DDR2: variants seen among roughly 807,000 people sequenced by gnomAD.
DDR2 encodes discoidin domain receptor tyrosine kinase 2, also known as discoidin domain-containing receptor 2.
A neutral mutation model predicts 94.9 loss-of-function variants in DDR2; 27 were observed. The observed-to-expected ratio is 0.28, with a 90% CI of 0.21 to 0.39. DDR2 has a LOEUF of 0.39. DDR2 is among the 10% of genes least tolerant of loss of function. DDR2 has a pLI of 1.00. For missense variants in DDR2, 783 were observed against 1,076.0 expected (o/e 0.73, Z 3.81); for synonymous variants, 382 against 377.2 (o/e 1.01, Z -0.15).
chr1:162,730,040 C>CT (rs543854413), intron 3 of DDR2, among the ~76,000 whole-genome samples: 1,880 of 52,826 alleles, frequency 0.036, 24 homozygotes, highest in African/African-American at 0.06. Flanking sequence ...CCATGCCTGG[C>CT]TTTTTTTTTT....
At chr1:162,728,660 A>G (rs1436254180) in intron 3 of DDR2, among the ~76,000 whole-genome samples, 1 of 152,170 alleles carries the variant, frequency 6.6e-6, no homozygotes, top group African/African-American at 2.4e-5. Context: ...TCCTGGGACA[A>G]GCACATTCTA....
chr1:162,767,119 T>A (rs1664033589), intron 10 of DDR2, 110 bp from the exon 11 acceptor site: 1 of 1,525,532 alleles, frequency 6.6e-7, no homozygotes, highest in Non-Finnish European at 9.0e-7. Flanking sequence ...GCATCTTCCA[T>A]AATTATCCTC....
At chr1:162,677,739 G>A (rs1219045166) in intron 2 of DDR2, among the ~76,000 whole-genome samples, 1 of 152,170 alleles carries the variant, frequency 6.6e-6, no homozygotes, top group African/African-American at 2.4e-5. Flanking sequence ...ATGTGGAGGA[G>A]GTGTTTATGA....
intron 1 of DDR2, among the ~76,000 whole-genome samples, chr1:162,636,918 C>T (rs1434174950): frequency 6.6e-6 from 1 of 151,990 alleles, no homozygotes; most frequent in African/African-American, 2.4e-5. Flanking sequence ...TGAAACAATA[C>T]AAATCTCAGT....
chr1:162,720,267 C>G (rs933917449), intron 3 of DDR2, among the ~76,000 whole-genome samples: 1 of 151,792 alleles, frequency 6.6e-6, no homozygotes. Flanking sequence ...AGAAACAGAA[C>G]TATACCAGCA....
intron 6 of DDR2, 120 bp from the exon 7 acceptor site, chr1:162,755,544 G>A (rs576163789): frequency 1.2e-5 from 13 of 1,096,068 alleles, no homozygotes; most frequent in African/African-American, 4.6e-5. Context: ...GTCTTCCCTC[G>A]GTGTCCAGAT....
Position 162,772,073 on chromosome 1 carries a change from G to T in DDR2, c.1554G>T (p.Val518=). 6.2e-7 allele frequency: 1 copy of T among 1,613,612 alleles called. No individual in the cohort carries two copies. Among genetic ancestry groups the T allele is most frequent in the Non-Finnish European group, 8.5e-7 (1 of 1,179,876 alleles). The change falls in exon 13 of 18, where the codon GTG becomes GTT. Residue 518 remains valine, a synonymous_variant. Transcript: ENST00000367921. ...TCCAGCCCAGTGGCCCTGAGGGGGTGCCCCACTATGCAGAGGCTGACATAG... is the reference window on the plus strand; with the variant it reads ...TCCAGCCCAGTGGCCCTGAGGGGGTTCCCCACTATGCAGAGGCTGACATAG... ...KPVQPSGPEG[V]PHYAEADIVN... is the part of the protein sequence containing the mutation.
At chr1:162,703,196 A>G (rs1362632024) in intron 2 of DDR2, among the ~76,000 whole-genome samples, 1 of 152,218 alleles carries the variant, frequency 6.6e-6, no homozygotes, top group East Asian at 1.9e-4. Context: ...TACAGAACGT[A>G]TAGCCTAGTT....
At chr1:162,710,126 AG>A (rs1660831877) in intron 2 of DDR2, among the ~76,000 whole-genome samples, 1 of 152,222 alleles carries the variant, frequency 6.6e-6, no homozygotes, top group Non-Finnish European at 1.5e-5. Flanking sequence ...CTTCTTAGAA[AG>A]GAGTGAGAGA....
chr1:162,715,390 G>T (rs1439631578), intron 2 of DDR2, among the ~76,000 whole-genome samples: 1 of 152,138 alleles, frequency 6.6e-6, no homozygotes, highest in African/African-American at 2.4e-5. Context: ...ATTTTGCTGA[G>T]AAAGTGACCA....
At chr1:162,645,757 A>G (rs1558002535) in intron 1 of DDR2, among the ~76,000 whole-genome samples, 1 of 152,198 alleles carries the variant, frequency 6.6e-6, no homozygotes, top group Non-Finnish European at 1.5e-5. Flanking sequence ...CAATCATCGA[A>G]TGTCAGTTTC....
At chr1:162,682,689 C>A (rs145417872) in intron 2 of DDR2, among the ~76,000 whole-genome samples, 6 of 152,288 alleles carry the variant, frequency 3.9e-5, no homozygotes, top group African/African-American at 1.2e-4. Flanking sequence ...TCAGTTTCTT[C>A]ACTTGTGAAA....
chr1:162,772,057 G>C lies in DDR2; in HGVS notation c.1538G>C (p.Ser513Thr), dbSNP rs1647257551. 2 of 1,612,716 alleles carry C rather than the reference G, an allele frequency of 1.2e-6. No homozygotes were observed. The highest frequency in any genetic ancestry group is 1.7e-6 in the Non-Finnish European group (2 of 1,179,550). ...CSGVVKPVQP[S>T]GPEGVPHYAE... is the part of the protein sequence containing the mutation. The stretch of plus-strand genomic sequence containing the variant: ...GGTGTTGTGAAGCCAGTCCAGCCCA[G>C]TGGCCCTGAGGGGGTGCCCCACTAT... Residue 513 changes from serine to threonine, a missense_variant, in exon 13 of 18, where the codon AGT (serine) becomes ACT (threonine). Ser to Thr is a moderately conservative substitution (Grantham distance 58). This residue lies in a region of DDR2 where 264 missense variants were observed against 428.2 expected (regional missense o/e 0.62). Transcript: ENST00000367921.
chr1:162,767,061 G>GAAAAAAA (rs5778292), intron 10 of DDR2, among the ~76,000 whole-genome samples, 168 bp from the exon 11 acceptor site: 52 of 145,418 alleles, frequency 3.6e-4, no homozygotes, highest in African/African-American at 1.3e-3. Flanking sequence ...ACAGTAGCAA[G>GAAAAAAA]AAAACAAAAC....
At chr1:162,671,725 C>A (rs1022051121) in intron 2 of DDR2, among the ~76,000 whole-genome samples, 1 of 152,148 alleles carries the variant, frequency 6.6e-6, no homozygotes. Context: ...GACACCTCCT[C>A]GTGAAAGCCC....
At position 162,761,414 on chromosome 1, in the gene DDR2, A is replaced by G; in HGVS notation, c.1059A>G (p.Ala353=). 2 of 1,614,196 alleles carry G rather than the reference A, an allele frequency of 1.2e-6. No homozygotes were observed. The highest frequency in any genetic ancestry group is 1.1e-5 in the South Asian group (1 of 91,082). The change falls in exon 9 of 18, where the codon GCA becomes GCG. Residue 353 remains alanine (A), a synonymous_variant. Transcript: ENST00000367921. ...ASAIKCQYHF[A]DTWMMFSEIT... ...CCATCAAGTGTCAATACCATTTTGC[A>G]GATACCTGGATGATGTTCAGTGAGA... is the stretch of plus-strand genomic sequence containing the variant.
At chr1:162,678,040 C>T (rs1171368302) in intron 2 of DDR2, among the ~76,000 whole-genome samples, 1 of 151,752 alleles carries the variant, frequency 6.6e-6, no homozygotes, top group Non-Finnish European at 1.5e-5. Context: ...TTGGTGAAAC[C>T]GAAAGTCAGT....
intron 1 of DDR2, among the ~76,000 whole-genome samples, chr1:162,641,057 C>T (rs1381858443): frequency 6.6e-6 from 1 of 152,176 alleles, no homozygotes; most frequent in African/African-American, 2.4e-5. Flanking sequence ...GACCCACCCT[C>T]ATTGAGCTGT....
At chr1:162,772,334 G>A in intron 13 of DDR2, 87 bp downstream of exon 13, 1 of 1,326,486 alleles carries the variant, frequency 7.5e-7, no homozygotes, top group East Asian at 2.5e-5. Context: ...TTCCAGAGGT[G>A]GATTCACAAC....
Sources: allele counts gnomAD v4.1 joint callset (sites outside exome capture counted in the v4.1 genomes callset), GRCh38; gene constraint gnomAD v4.1.1; regional missense constraint gnomAD v4.1.1; transcripts MANE v1.5; gene names NCBI Gene and HGNC (gene_info 2026-07-23, HGNC 2026-07-21).